Variants in RAD51B observed in about 807,000 individuals in gnomAD.
RAD51B encodes the protein RAD51 paralog B.
A neutral mutation model predicts 42.2 loss-of-function variants in RAD51B; 38 were observed. The ratio of observed to expected loss-of-function variants is 0.90; its 90% CI spans 0.70 to 1.18. The LOEUF is 1.18. Ranked by LOEUF, RAD51B falls within the 50% of genes most tolerant of loss-of-function variation. The pLI is 0.00. For synonymous variants in RAD51B, 154 were observed against 145.2 expected, an observed-to-expected ratio of 1.06 and a Z score of -0.43; for missense variants, 373 against 400.7, an observed-to-expected ratio of 0.93 and a Z score of 0.59.
intron 8 of RAD51B, among the ~76,000 whole-genome samples, chr14:68,341,383 T>TA (rs2082568979): frequency 6.6e-6 from 1 of 152,238 alleles, no homozygotes; most frequent in African/African-American, 2.4e-5. Flanking sequence ...AGGGTTTTCA[T>TA]AAAGTTTTGT....
At chr14:68,237,533 T>C (rs1027165270) in intron 7 of RAD51B, among the ~76,000 whole-genome samples, 4 of 152,114 alleles carry the variant, frequency 2.6e-5, no homozygotes, top group African/African-American at 2.4e-5. Flanking sequence ...TTTGAGAACA[T>C]TTTTACTCCC....
chr14:67,843,821 TA>T (rs1397757376), intron 4 of RAD51B, among the ~76,000 whole-genome samples: 1 of 151,824 alleles, frequency 6.6e-6, no homozygotes, highest in Non-Finnish European at 1.5e-5. Context: ...TCTTTTTAAT[TA>T]TTTTTTTTTT....
intron 7 of RAD51B, among the ~76,000 whole-genome samples, chr14:68,224,108 T>G (rs1046853982): frequency 6.6e-5 from 10 of 152,050 alleles, no homozygotes; most frequent in African/African-American, 2.2e-4. Context: ...CTATGGAGGG[T>G]GAAATTATTT....
chr14:68,512,099 C>T (rs1885771497), intron 10 of RAD51B, among the ~76,000 whole-genome samples: 1 of 152,224 alleles, frequency 6.6e-6, no homozygotes, highest in South Asian at 2.1e-4. Context: ...TTGGGAAACG[C>T]CTGCCCTCTT....
chr14:68,234,708 G>T (rs1212486663), intron 7 of RAD51B, among the ~76,000 whole-genome samples: 1 of 152,186 alleles, frequency 6.6e-6, no homozygotes, highest in Non-Finnish European at 1.5e-5. Context: ...GGAGCTTGCA[G>T]GACTGAAAGC....
chr14:68,452,695 A>G (rs2085587136), intron 9 of RAD51B, among the ~76,000 whole-genome samples: 1 of 152,220 alleles, frequency 6.6e-6, no homozygotes, highest in African/African-American at 2.4e-5. Context: ...AGATTCTCTC[A>G]TCATAGTGGA....
intron 4 of RAD51B, among the ~76,000 whole-genome samples, chr14:67,835,753 A>G (rs1658537343): frequency 6.6e-6 from 1 of 151,968 alleles, no homozygotes; most frequent in African/African-American, 2.4e-5. Flanking sequence ...TTATGGTCCT[A>G]GCTACTCAGG....
chr14:68,608,947 T>C (rs1485482561), intron 10 of RAD51B, among the ~76,000 whole-genome samples: 1 of 152,118 alleles, frequency 6.6e-6, no homozygotes, highest in African/African-American at 2.4e-5. Flanking sequence ...TCTCAACCTC[T>C]GCACTGGTCT....
intron 9 of RAD51B, among the ~76,000 whole-genome samples, chr14:68,414,379 A>G (rs1380014864): frequency 2.0e-5 from 3 of 152,140 alleles, no homozygotes; most frequent in East Asian, 1.9e-4. Flanking sequence ...CTCTGCTTCA[A>G]TCCTGCCCCA....
At chr14:68,145,138 A>G (rs1017768616) in intron 7 of RAD51B, among the ~76,000 whole-genome samples, 13 of 152,246 alleles carry the variant, frequency 8.5e-5, no homozygotes, top group African/African-American at 2.4e-4. Context: ...GATGAGAAAA[A>G]GCCTGCAGAA....
intron 7 of RAD51B, among the ~76,000 whole-genome samples, chr14:67,917,128 A>G (rs2140126590): frequency 6.6e-6 from 1 of 152,324 alleles, no homozygotes; most frequent in East Asian, 1.9e-4. Context: ...TTAAGAATAA[A>G]ATAAAGGAGA....
chr14:68,118,826 T>C (rs938608163), intron 7 of RAD51B, among the ~76,000 whole-genome samples: 1 of 152,178 alleles, frequency 6.6e-6, no homozygotes, highest in Non-Finnish European at 1.5e-5. Flanking sequence ...TGTGTGTTCA[T>C]TCATTTCAGG....
chr14:68,523,394 C>A (rs1476590600), intron 10 of RAD51B, among the ~76,000 whole-genome samples: 1 of 152,162 alleles, frequency 6.6e-6, no homozygotes, highest in African/African-American at 2.4e-5. Context: ...TGGCCAAGAT[C>A]TGTTCGTGAT....
At chr14:68,425,558 C>G (rs2084812403) in intron 9 of RAD51B, among the ~76,000 whole-genome samples, 1 of 152,230 alleles carries the variant, frequency 6.6e-6, no homozygotes, top group Non-Finnish European at 1.5e-5. Context: ...CAAGAAGGCC[C>G]TCACCAGATG....
At chr14:68,634,374 T>C (rs540828690) in intron 10 of RAD51B, among the ~76,000 whole-genome samples, 1 of 152,218 alleles carries the variant, frequency 6.6e-6, no homozygotes, top group East Asian at 1.9e-4. Flanking sequence ...CCTTCAACAG[T>C]CTCCAGTTGT....
chr14:68,138,821 C>G (rs915956332), intron 7 of RAD51B, among the ~76,000 whole-genome samples: 2 of 152,098 alleles, frequency 1.3e-5, no homozygotes, highest in Non-Finnish European at 2.9e-5. Flanking sequence ...AGTAGTTGAA[C>G]CTAAGAGCTG....
chr14:68,387,398 A>G (rs575479133), intron 8 of RAD51B, among the ~76,000 whole-genome samples: 30 of 152,316 alleles, frequency 2.0e-4, no homozygotes, highest in East Asian at 5.8e-4. Flanking sequence ...CGATTGCACA[A>G]CCTACAGCAA....
intron 7 of RAD51B, among the ~76,000 whole-genome samples, chr14:68,127,251 A>G (rs1219828419): frequency 6.6e-6 from 1 of 152,148 alleles, no homozygotes; most frequent in Admixed American, 6.5e-5. Context: ...TAGATCAGGC[A>G]ACAACCCCAA....
At chr14:68,653,683 T>C (rs1892749436) in intron 11 of RAD51B, among the ~76,000 whole-genome samples, 1 of 152,230 alleles carries the variant, frequency 6.6e-6, no homozygotes, top group Non-Finnish European at 1.5e-5. Context: ...TGAGAACCAC[T>C]GGTCTGATGA....
Sources: gnomAD v4.1 joint callset for allele counts (sites outside exome capture counted in the v4.1 genomes callset) on GRCh38, gnomAD v4.1.1 for gene constraint, MANE v1.5 for transcripts, NCBI Gene and HGNC (gene_info 2026-07-23, HGNC 2026-07-21) for gene names.